ZNF558: variants seen among roughly 807,000 people sequenced by gnomAD.
ZNF558 encodes the protein zinc finger protein 558.
Under a neutral mutation model 37.6 loss-of-function variants are expected in ZNF558, and 23 were observed. That is an observed-to-expected ratio of 0.61 (90% CI 0.44 to 0.87). ZNF558 has a LOEUF of 0.87. Ranked by LOEUF, ZNF558 falls within the 40% of genes least tolerant of loss-of-function variation. The probability of loss-of-function intolerance (pLI) is 0.00; values close to 1 mark genes in which losing one functional copy is unlikely to be tolerated. For synonymous variants in ZNF558, 189 were observed against 174.4 expected (o/e 1.08, Z -0.66); for missense variants, 429 against 483.7 (o/e 0.89, Z 1.06).
Position 8,813,177 on chromosome 19 carries a change from T to C in ZNF558, c.293A>G (p.Asp98Gly). 1 of 1,600,380 alleles carries C rather than the reference T, an allele frequency of 6.2e-7. No individual in the cohort carries two copies. Among genetic ancestry groups the C allele is most frequent in the Non-Finnish European group, 8.5e-7 (1 of 1,172,834 alleles). The stretch of plus-strand genomic sequence containing the variant: ...TCTTTCCTCTGTCACCACCTTCTTG[T>C]CTTGTTCCAACTGGGATATCAGACT... ...KPSLISQLEQ[D>G]KKVVTEERGI... Residue 98 changes from aspartate to glycine, a missense_variant, in exon 8 of 10, where the codon GAC becomes GGC. Asp to Gly is a moderately conservative substitution (Grantham distance 94). Transcript: ENST00000601372.
upstream of ZNF558, chr19:8,832,452 G>A (rs2044385680): frequency 6.5e-6 from 1 of 152,908 alleles, no homozygotes; most frequent in Non-Finnish European, 1.5e-5. Flanking sequence ...GCGAACCCCA[G>A]CCTTGGGCAG....
intron 7 of ZNF558, among the ~76,000 whole-genome samples, chr19:8,815,786 T>C (rs1170615481): frequency 1.3e-5 from 2 of 151,332 alleles, no homozygotes; most frequent in Admixed American, 6.6e-5. Context: ...TGAGAACCTG[T>C]CTCAAAGATA....
intron 2 of ZNF558, among the ~76,000 whole-genome samples, chr19:8,830,144 T>C (rs1379128411): frequency 6.6e-6 from 1 of 152,216 alleles, no homozygotes; most frequent in Non-Finnish European, 1.5e-5. Context: ...TTGGCGTTTA[T>C]GTCTTCTCTC....
rs150985531 is a variant in ZNF558 at position 8,827,431 on chromosome 19, A to G, written c.-508-2323T>C. On this transcript the variant is annotated intron_variant, in intron 2 of 9. Transcript: ENST00000601372. Reference sequence around the variant, plus strand: ...AAGTCCTTGTTATCTGCATGCTTACACTACATGCAAATTGCATCACCCTCT... The same window carrying G: ...AAGTCCTTGTTATCTGCATGCTTACGCTACATGCAAATTGCATCACCCTCT... Among the ~76,000 whole-genome samples, 60 of 152,142 alleles carry G rather than the reference A, an allele frequency of 3.9e-4. 1 individual carries two copies. Among genetic ancestry groups the G allele is most frequent in the African/African-American group, 1.4e-3 (57 of 41,494 alleles).
rs761813619 is a variant in ZNF558 at position 8,822,126 on chromosome 19, C to T, written c.32-35G>A. Reference sequence around the variant, plus strand: ...GAGAAATGAGTCCCATGGATTCAGGCTTGTCTGACACCCACAGATCTGCCC... The same window carrying T: ...GAGAAATGAGTCCCATGGATTCAGGTTTGTCTGACACCCACAGATCTGCCC... On this transcript the variant is annotated intron_variant, in intron 5 of 9. Coordinates refer to ENST00000601372, the MANE Select transcript of ZNF558 (RefSeq NM_144693.3). This position sits in a 1 kb window ranked among gnomAD's most constrained non-coding sequence, Gnocchi z 4.4. The T allele has an allele frequency of 2.5e-6, 4 of 1,612,538 alleles. No individual in the cohort carries two copies. Among genetic ancestry groups the T allele is most frequent in the East Asian group, 2.2e-5 (1 of 44,838 alleles).
rs557065109 is a variant in ZNF558 at position 8,808,557 on chromosome 19, T to C, written c.*2724A>G. The stretch of plus-strand genomic sequence containing the variant: ...GAAAAAGAAATCTGAACATACGTAC[T>C]GTACTTGGAAATACAATTAAGTTGC... On this transcript the variant is annotated 3_prime_UTR_variant, in exon 10 of 10. Transcript: ENST00000601372. The C allele has an allele frequency of 6.6e-6, 1 of 152,322 alleles. No homozygotes were observed. The highest frequency in any genetic ancestry group is 2.4e-5 in the African/African-American group (1 of 41,572). 9.4% of individuals were successfully genotyped at this position (152,322 alleles called of 1,614,324 possible).
chr19:8,837,662 G>A, the ZNF558 span, among the ~76,000 whole-genome samples: 10 of 152,236 alleles, frequency 6.6e-5, no homozygotes, highest in Non-Finnish European at 1.2e-4. Context: ...CTGGCCTCAT[G>A]GACAAGACAA....
chr19:8,818,552 T>C (rs1393969145), intron 7 of ZNF558, among the ~76,000 whole-genome samples: 1 of 152,080 alleles, frequency 6.6e-6, no homozygotes, highest in East Asian at 1.9e-4. Flanking sequence ...ATCAAAATTC[T>C]GAGTTTTTTT....
chr19:8,821,800 C>T, intron 6 of ZNF558: 1 of 1,406,294 alleles, frequency 7.1e-7, no homozygotes, highest in Non-Finnish European at 9.3e-7. Flanking sequence ...TACTCAGGGA[C>T]CCTGGAGGGA....
chr19:8,826,326 T>C (rs577973399), intron 2 of ZNF558, among the ~76,000 whole-genome samples: 1 of 152,178 alleles, frequency 6.6e-6, no homozygotes, highest in South Asian at 2.1e-4. Context: ...TTATTTCTAT[T>C]ATATTACACA....
chr19:8,833,473 A>G (rs910602516), upstream of ZNF558: 4 of 152,216 alleles, frequency 2.6e-5, no homozygotes, highest in Non-Finnish European at 5.9e-5. Flanking sequence ...TAGTGTGGAC[A>G]TGTATGTGTG....
chr19:8,822,983 C>A lies in ZNF558; in HGVS notation c.-65-259G>T. ...ACCTCGGCTTCACGCAGTCTCACGGCATGTTCTTCCCATCCAAGCGCACCA... is the reference window on the plus strand; with the variant it reads ...ACCTCGGCTTCACGCAGTCTCACGGAATGTTCTTCCCATCCAAGCGCACCA... On this transcript the variant is annotated intron_variant, in intron 4 of 9. Transcript: ENST00000601372. This position sits in a 1 kb window ranked among gnomAD's most constrained non-coding sequence, Gnocchi z 4.4. 1 of 374,406 alleles carries A rather than the reference C, an allele frequency of 2.7e-6. No individual in the cohort carries two copies. The allele number at this position is 374,406 out of a possible 1,614,324, so 23.2% of individuals were successfully genotyped here.
Position 8,822,571 on chromosome 19 carries a change from T to C in ZNF558, c.31+58A>G. On this transcript the variant is annotated intron_variant, in intron 5 of 9. Coordinates refer to ENST00000601372, the MANE Select transcript of ZNF558 (RefSeq NM_144693.3). The surrounding 1 kb of genome is among the most constrained non-coding windows in gnomAD (Gnocchi z 4.4). ...GCCCAACCCCGCTCGTGTCCCATGC[T>C]GTGGGTCAGAACCTTTCAAGGCTGG... The C allele has an allele frequency of 1.2e-6, 2 of 1,611,790 alleles. No homozygotes were observed. Among genetic ancestry groups the C allele is most frequent in the South Asian group, 2.2e-5 (2 of 91,054 alleles).
chr19:8,811,086 G>A lies in ZNF558; in HGVS notation c.*195C>T, dbSNP rs547768775. 67 of 560,544 alleles carry A rather than the reference G, an allele frequency of 1.2e-4. No homozygotes were observed. The South Asian group carries it at 1.7e-3, about 14-fold the overall frequency. The allele number at this position is 560,544 out of a possible 1,614,324, so 34.7% of individuals were successfully genotyped here. A position where few individuals can be genotyped will look rare whatever the true frequency, so the allele number is the denominator to read the frequency against. On this transcript the variant is annotated 3_prime_UTR_variant, in exon 10 of 10. Transcript: ENST00000601372. ...TGAGAGATCCTGCAGTGTAACTACA[G>A]AGATAAGCTGTTCTTGAATTCCTGA... is the stretch of plus-strand genomic sequence containing the variant.
the ZNF558 span, among the ~76,000 whole-genome samples, chr19:8,838,025 G>C: frequency 6.6e-6 from 1 of 151,774 alleles, no homozygotes; most frequent in East Asian, 1.9e-4. Flanking sequence ...GAGGCGGGCG[G>C]ATCATGACAT....
At chr19:8,832,747 G>A (rs1424504541), upstream of ZNF558, among the ~76,000 whole-genome samples, 2 of 152,004 alleles carry the variant, frequency 1.3e-5, no homozygotes, top group South Asian at 2.1e-4. Context: ...CTTCTAGAGC[G>A]GGGATGACTG....
rs746231806 is a variant in ZNF558, at chr19:8,821,983, A to G, written c.120+20T>C. 3 of 1,613,132 alleles carry G rather than the reference A, an allele frequency of 1.9e-6. No individual in the cohort carries two copies. In the Admixed American group the frequency reaches 5.0e-5, roughly 27 times the overall value. On this transcript the variant is annotated intron_variant, in intron 6 of 9. Coordinates refer to ENST00000601372, the MANE Select transcript of ZNF558 (RefSeq NM_144693.3). Reference sequence around the variant, plus strand: ...CTGGCCAAAGGAATAATGATTTGGGAAAAGGAACATCTGACTCACCCGTAG... The same window carrying G: ...CTGGCCAAAGGAATAATGATTTGGGGAAAGGAACATCTGACTCACCCGTAG...
At chr19:8,819,349 T>G (rs2145233510) in intron 7 of ZNF558, among the ~76,000 whole-genome samples, 1 of 152,116 alleles carries the variant, frequency 6.6e-6, no homozygotes, top group South Asian at 2.1e-4. Context: ...CCTGGCTAAT[T>G]TTTGCATTTT....
At chr19:8,821,580 A>T (rs1463832389) in intron 6 of ZNF558, 2 of 1,372,382 alleles carry the variant, frequency 1.5e-6, no homozygotes, top group Non-Finnish European at 1.9e-6. Flanking sequence ...AGTACCACAG[A>T]GCAGCTGCCT....
Sources: gnomAD v4.1 joint callset for allele counts (sites outside exome capture counted in the v4.1 genomes callset) on GRCh38, gnomAD v4.1.1 for gene constraint, Gnocchi (gnomAD v3.1) non-coding constraint, MANE v1.5 for transcripts, NCBI Gene and HGNC (gene_info 2026-07-23, HGNC 2026-07-21) for gene names.